The following CDYL variants were observed in gnomAD, a reference collection of about 807,000 sequenced individuals.
The protein encoded by CDYL is chromodomain Y like.
In CDYL, 8 loss-of-function variants were observed where a neutral mutation model predicts 47.3. The ratio of observed to expected loss-of-function variants is 0.17; its 90% CI spans 0.10 to 0.31. CDYL has a LOEUF of 0.31. Ranked by LOEUF, CDYL falls within the 10% of genes least tolerant of loss-of-function variation. CDYL has a pLI of 1.00. For synonymous variants in CDYL, 266 were observed against 265.0 expected (o/e 1.00, Z -0.04); for missense variants, 471 against 701.4 (o/e 0.67, Z 3.71).
intron 3 of CDYL, among the ~76,000 whole-genome samples, chr6:4,936,967 A>G (rs1389680261): frequency 6.6e-6 from 1 of 152,252 alleles, no homozygotes. Context: ...TGGTTACAGA[A>G]AATGAGACAT....
intron 2 of CDYL, among the ~76,000 whole-genome samples, chr6:4,898,458 A>G (rs1330513730): frequency 6.6e-6 from 1 of 152,212 alleles, no homozygotes; most frequent in Non-Finnish European, 1.5e-5. Context: ...AGGCTTCCAC[A>G]TGTGTTATCT....
chr6:4,861,719 G>A (rs1313881214), intron 1 of CDYL, among the ~76,000 whole-genome samples: 3 of 152,186 alleles, frequency 2.0e-5, no homozygotes, highest in African/African-American at 7.2e-5. Context: ...GATGCCCTTG[G>A]AAGCTGTCAC....
At chr6:4,735,913 G>A (rs903337041) in intron 3 of CDYL, among the ~76,000 whole-genome samples, 4 of 152,070 alleles carry the variant, frequency 2.6e-5, no homozygotes, top group Non-Finnish European at 4.4e-5. Context: ...GATGGGGGGG[G>A]GTGGGATGAG....
rs573250981 is a variant in CDYL at position 4,828,201 on chromosome 6, G to A, written c.24+51394G>A. On this transcript the variant is annotated intron_variant, in intron 1 of 6. Coordinates refer to ENST00000397588, the MANE Select transcript of CDYL (RefSeq NM_004824.4). ...TCTTACTTTCCCCCTCAGTTTCAAC[G>A]TTAGTTTGCTGGATATAGGACTTTT... 6.7e-5 allele frequency among the ~76,000 whole-genome samples: 9 copies of A among 134,528 alleles called. No homozygotes were observed. In the South Asian group the frequency reaches 2.1e-3, roughly 32 times the overall value. 88.3% of individuals were successfully genotyped at this position (134,528 alleles called of 152,430 possible).
chr6:4,812,720 AT>A (rs893285847), intron 1 of CDYL, among the ~76,000 whole-genome samples: 103 of 147,156 alleles, frequency 7.0e-4, no homozygotes, highest in East Asian at 1.8e-3. Flanking sequence ...TCTAGTAGGG[AT>A]TTTTTTTTTT....
intron 2 of CDYL, among the ~76,000 whole-genome samples, chr6:4,894,461 GA>G (rs981441325): frequency 6.6e-6 from 1 of 151,818 alleles, no homozygotes; most frequent in African/African-American, 2.4e-5. Context: ...TTTGGAAAAA[GA>G]AAAAAATCGG....
chr6:4,734,629 T>C, intron 2 of CDYL: 1 of 1,230,454 alleles, frequency 8.1e-7, no homozygotes, highest in Non-Finnish European at 1.1e-6. Context: ...GTTTCTATGT[T>C]CAGTTAGACT....
chr6:4,897,270 T>C (rs570780137), intron 2 of CDYL, among the ~76,000 whole-genome samples: 3 of 152,386 alleles, frequency 2.0e-5, no homozygotes, highest in African/African-American at 7.2e-5. Context: ...GTAAACCTTA[T>C]CAGTGTTGTG....
chr6:4,812,272 T>C (rs1759551388), intron 1 of CDYL, among the ~76,000 whole-genome samples: 1 of 152,212 alleles, frequency 6.6e-6, no homozygotes, highest in African/African-American at 2.4e-5. Context: ...CATTCTTTCT[T>C]AGTTGCTTCC....
At chr6:4,802,388 A>G (rs1008130276) in intron 1 of CDYL, among the ~76,000 whole-genome samples, 31 of 152,104 alleles carry the variant, frequency 2.0e-4, no homozygotes, top group African/African-American at 7.2e-4. Flanking sequence ...AAATAAAAAA[A>G]ACTTAGCTGA....
chr6:4,709,790 C>A (rs1377647618), intron 1 of CDYL, among the ~76,000 whole-genome samples: 1 of 152,176 alleles, frequency 6.6e-6, no homozygotes, highest in Non-Finnish European at 1.5e-5. Context: ...AAGGTCTTAA[C>A]CTCTGATTTT....
intron 1 of CDYL, among the ~76,000 whole-genome samples, chr6:4,781,230 A>G (rs1249801852): frequency 2.6e-5 from 4 of 152,166 alleles, no homozygotes; most frequent in Non-Finnish European, 4.4e-5. Flanking sequence ...CTTTCTTCCT[A>G]CTTTGCGATA....
At chr6:4,905,397 CT>C (rs1384442991) in intron 2 of CDYL, among the ~76,000 whole-genome samples, 1 of 152,168 alleles carries the variant, frequency 6.6e-6, no homozygotes, top group African/African-American at 2.4e-5. Context: ...CGAGACAGAC[CT>C]GAACTGTCTC....
chr6:4,901,800 A>G (rs1318033230), intron 2 of CDYL, among the ~76,000 whole-genome samples: 1 of 152,192 alleles, frequency 6.6e-6, no homozygotes, highest in Non-Finnish European at 1.5e-5. Flanking sequence ...ATGAAATGGC[A>G]TCTGTTGGCT....
intron 1 of CDYL, among the ~76,000 whole-genome samples, chr6:4,876,016 TTAGC>T (rs1761611458): frequency 6.6e-6 from 1 of 152,202 alleles, no homozygotes; most frequent in Non-Finnish European, 1.5e-5. Context: ...AACCAGTTGC[TTAGC>T]TAAACAAATG....
chr6:4,815,793 T>A (rs1242078940), intron 1 of CDYL, among the ~76,000 whole-genome samples: 1 of 151,656 alleles, frequency 6.6e-6, no homozygotes, highest in Non-Finnish European at 1.5e-5. Flanking sequence ...GTGTCAGCAT[T>A]TTCTCCTAAT....
chr6:4,882,093 A>G lies in CDYL; in HGVS notation c.25-9620A>G, dbSNP rs111699914. Reference sequence around the variant, plus strand: ...CATCCTCTGGGGACTGAGGCACAGCACACCGGAGCAGGAACATGTTGGTAC... The same window carrying G: ...CATCCTCTGGGGACTGAGGCACAGCGCACCGGAGCAGGAACATGTTGGTAC... On this transcript the variant is annotated intron_variant, in intron 1 of 6. Transcript: ENST00000397588. Among the ~76,000 whole-genome samples the G allele has an allele frequency of 3.6e-3, 546 of 152,290 alleles. 5 individuals are homozygous for G. The highest frequency in any genetic ancestry group is 0.013 in the African/African-American group (523 of 41,566).
chr6:4,744,235 G>A (rs1158386007), intron 3 of CDYL, among the ~76,000 whole-genome samples: 1 of 152,202 alleles, frequency 6.6e-6, no homozygotes, highest in Non-Finnish European at 1.5e-5. Context: ...GTCTCACACT[G>A]CAATCCCAGC....
In CDYL at chr6:4,892,527, C is replaced by T. The variant is rs991519184; in HGVS notation, c.691+148C>T. ...CAGAGATTTCGCCTTCTCCTTTCTTCGCTGGAAGCCTTTGATATTTCTCTT... is the reference window on the plus strand; with the variant it reads ...CAGAGATTTCGCCTTCTCCTTTCTTTGCTGGAAGCCTTTGATATTTCTCTT... On this transcript the variant is annotated intron_variant, in intron 2 of 6. Coordinates refer to ENST00000397588, the MANE Select transcript of CDYL (RefSeq NM_004824.4). 6.3e-6 allele frequency: 5 copies of T among 799,330 alleles called. No individual in the cohort carries two copies. In the African/African-American group the frequency reaches 7.1e-5, roughly 11 times the overall value. 49.5% of individuals were successfully genotyped at this position (799,330 alleles called of 1,614,324 possible).
Sources: allele counts gnomAD v4.1 joint callset (sites outside exome capture counted in the v4.1 genomes callset), GRCh38; gene constraint gnomAD v4.1.1; transcripts MANE v1.5; gene names NCBI Gene and HGNC (gene_info 2026-07-23, HGNC 2026-07-21).